Variants in GCKR observed in about 807,000 individuals in gnomAD.
GCKR encodes the protein glucokinase regulator.
In GCKR, 73 loss-of-function variants were observed where a neutral mutation model predicts 82.9. The ratio of observed to expected loss-of-function variants is 0.88; its 90% CI spans 0.73 to 1.07. The LOEUF is 1.07. Ranked by LOEUF, GCKR falls within the 50% of genes least tolerant of loss-of-function variation. The probability of loss-of-function intolerance (pLI) is 0.00; values close to 1 mark genes in which losing one functional copy is unlikely to be tolerated. For missense variants in GCKR, 784 were observed against 782.1 expected, an observed-to-expected ratio of 1.00 and a Z score of -0.03; for synonymous variants, 294 against 291.8, an observed-to-expected ratio of 1.01 and a Z score of -0.08.
In GCKR at chr2:27,499,393, C is replaced by G. The variant is rs1230078684; in HGVS notation, c.496-4C>G. On this transcript the variant is annotated splice_region_variant and splice_polypyrimidine_tract_variant and intron_variant, in intron 6 of 18. Coordinates refer to ENST00000264717, the MANE Select transcript of GCKR (RefSeq NM_001486.4). ...ACACTACCTTGTCCATCCTCCTCTC[C>G]TAGGTGGCTGCCGGGAAGAAGAGAG... is the stretch of plus-strand genomic sequence containing the variant. The G allele has an allele frequency of 6.2e-7, 1 of 1,609,620 alleles. No individual in the cohort carries two copies. The highest frequency in any genetic ancestry group is 8.5e-7 in the Non-Finnish European group (1 of 1,175,962).
At chr2:27,505,568 T>A (rs2148583846) in intron 9 of GCKR, 150 bp from the exon 10 acceptor site, 3 of 681,078 alleles carry the variant, frequency 4.4e-6, no homozygotes, top group Middle Eastern at 8.1e-4. Context: ...TTTCTAATCT[T>A]CCTCTCGGTC....
chr2:27,516,239 G>A (rs575206766), intron 16 of GCKR, among the ~76,000 whole-genome samples: 10 of 143,062 alleles, frequency 7.0e-5, no homozygotes, highest in South Asian at 4.4e-4. Context: ...TTATGGAGGC[G>A]TTATGGTATG....
At chr2:27,498,187 A>G (rs1009516716) in intron 3 of GCKR, 68 bp from the exon 4 acceptor site, 4 of 1,223,412 alleles carry the variant, frequency 3.3e-6, no homozygotes, top group Non-Finnish European at 4.9e-6. Context: ...CATTACTGAC[A>G]AAGAAAAGAA....
rs1558444986 is a variant in GCKR at position 27,523,330 on chromosome 2, AC to A, written c.1771del (p.Leu591TrpfsTer30). 1 of 1,612,962 alleles carries A rather than the reference AC, an allele frequency of 6.2e-7. No individual in the cohort carries two copies. The highest frequency in any genetic ancestry group is 8.5e-7 in the Non-Finnish European group (1 of 1,179,942). On this transcript the variant is annotated frameshift_variant, in exon 19 of 19. Transcript: ENST00000264717. LOFTEE classifies it high-confidence loss of function. ...TGCTCGATCACTGAGGCTCAGGCAC[AC>A]CTGGCTGCAGCTCCTTCTGTCTGTG... ...FRCSITEAQAHLAAAPSVCEA... is the reference protein window; with the variant it reads ...FRCSITEAQAXLAAAPSVCEA...
chr2:27,498,597 T>C (rs1669483464), intron 4 of GCKR, 127 bp from the exon 5 acceptor site: 4 of 732,836 alleles, frequency 5.5e-6, no homozygotes, highest in South Asian at 1.5e-5. Flanking sequence ...CGAGATTCCA[T>C]GTAGGACTGG....
intron 6 of GCKR, 72 bp downstream of exon 6, chr2:27,499,280 C>T: frequency 7.3e-7 from 1 of 1,364,338 alleles, no homozygotes; most frequent in African/African-American, 1.4e-5. Flanking sequence ...AAAGCCCCAG[C>T]ATTCAGCCAA....
intron 7 of GCKR, among the ~76,000 whole-genome samples, 199 bp downstream of exon 7, chr2:27,499,649 C>T (rs1249309696): frequency 1.3e-5 from 2 of 152,212 alleles, no homozygotes; most frequent in African/African-American, 2.4e-5. Context: ...TTCAGAATAA[C>T]TGTGTATCAA....
At chr2:27,521,497 ATT>A (rs373060500) in intron 17 of GCKR, among the ~76,000 whole-genome samples, 75,976 of 136,060 alleles carry the variant, frequency 0.56, 20,711 homozygotes, top group South Asian at 0.69. Flanking sequence ...CACCCAGCTA[ATT>A]TTTTTTTTTT....
chr2:27,497,079 C>A, intron 1 of GCKR, 115 bp downstream of exon 1: 1 of 1,203,344 alleles, frequency 8.3e-7, no homozygotes, highest in East Asian at 2.3e-5. Context: ...ATGTTCTTTC[C>A]CTAATATGCC....
At chr2:27,501,862 T>A (rs1017351324) in intron 8 of GCKR, 1 of 415,964 alleles carries the variant, frequency 2.4e-6, no homozygotes, top group Admixed American at 3.0e-5. Flanking sequence ...GTGCATGAGC[T>A]GCCTGGGGAA....
Position 27,506,831 on chromosome 2 carries a change from C to T in GCKR, c.1012C>T (p.Leu338=). 1 of 1,613,718 alleles carries T rather than the reference C, an allele frequency of 6.2e-7. No homozygotes were observed. Among genetic ancestry groups the T allele is most frequent in the Admixed American group, 1.7e-5 (1 of 60,014 alleles). The change falls in exon 12 of 19, where the codon CTG becomes TTG. Residue 338 remains leucine, a synonymous_variant. Transcript: ENST00000264717. ...GHVYLVGWQT[L]GIIAIMDGVE... ...CGTGTACCTGGTTGGCTGGCAGACC[C>T]TGGGCATCATTGCCATCATGGATGG...
At chr2:27,498,371 G>A in intron 4 of GCKR, 48 bp downstream of exon 4, 1 of 1,374,080 alleles carries the variant, frequency 7.3e-7, no homozygotes, top group Non-Finnish European at 1.0e-6. Context: ...TTCTGGAGGT[G>A]ACCCTCAGGA....
chr2:27,509,178 A>T (rs1669820653), intron 16 of GCKR, among the ~76,000 whole-genome samples: 1 of 151,974 alleles, frequency 6.6e-6, no homozygotes, highest in Admixed American at 6.6e-5. Flanking sequence ...GTTGCTCTGG[A>T]GAGATGTGGT....
In GCKR at chr2:27,498,263, T is replaced by A. The variant is rs1020768807; in HGVS notation, c.294T>A (p.Asp98Glu). 27 of 1,612,854 alleles carry A rather than the reference T, an allele frequency of 1.7e-5. No homozygotes were observed. The highest frequency in any genetic ancestry group is 2.3e-5 in the Non-Finnish European group (27 of 1,179,008). The change falls in exon 4 of 19, where the codon GAT becomes GAA. Residue 98 changes from aspartate to glutamate, a missense_variant. Coordinates refer to ENST00000264717, the MANE Select transcript of GCKR (RefSeq NM_001486.4). ...CCTCTTTCCTTCTTCAGGAGCCAGA[T>A]GGGGGGCTGGTTGTGCTGAGTGGAG... ...GKVQEVLKEP[D>E]GGLVVLSGGG...
intron 18 of GCKR, among the ~76,000 whole-genome samples, chr2:27,523,017 C>G (rs1372902121): frequency 9.2e-5 from 14 of 152,024 alleles, no homozygotes; most frequent in African/African-American, 3.4e-4. Context: ...CTTGCTTCAG[C>G]CTCCCAAATA....
At chr2:27,505,100 T>C (rs975259288) in intron 9 of GCKR, among the ~76,000 whole-genome samples, 5 of 105,114 alleles carry the variant, frequency 4.8e-5, no homozygotes, top group African/African-American at 1.9e-4. Flanking sequence ...CACTCCAGCC[T>C]GGGTGGCAGA....
At chr2:27,503,841 C>G (rs1337988249) in intron 9 of GCKR, among the ~76,000 whole-genome samples, 4 of 152,214 alleles carry the variant, frequency 2.6e-5, no homozygotes, top group African/African-American at 7.2e-5. Context: ...AATTGGTAAG[C>G]CTTAAACACT....
intron 10 of GCKR, among the ~76,000 whole-genome samples, chr2:27,506,270 G>A (rs1459617565): frequency 1.3e-5 from 2 of 152,208 alleles, no homozygotes; most frequent in Non-Finnish European, 2.9e-5. Context: ...TGCTGCACTC[G>A]TCCCTCTTTC....
rs1432428690 is a variant in GCKR at position 27,497,134 on chromosome 2, G to C, written c.61-110G>C. 8 of 1,310,926 alleles carry C rather than the reference G, an allele frequency of 6.1e-6. No individual in the cohort carries two copies. In the East Asian group the frequency reaches 1.6e-4, roughly 26 times the overall value. The allele number at this position is 1,310,926 out of a possible 1,614,324, so 81.2% of individuals were successfully genotyped here. On this transcript the variant is annotated intron_variant, in intron 1 of 18. Transcript: ENST00000264717. ...TGAGTTTCTGGTGTGGTATGTGTGT[G>C]CGTGTGTGTAAGTCCAAACTCTGTG...
Sources: allele counts gnomAD v4.1 joint callset (sites outside exome capture counted in the v4.1 genomes callset), GRCh38; gene constraint gnomAD v4.1.1; transcripts MANE v1.5; gene names NCBI Gene and HGNC (gene_info 2026-07-23, HGNC 2026-07-21).